The following TMEM181 variants were observed in gnomAD, a reference collection of about 807,000 sequenced individuals.
TMEM181 encodes G protein-coupled receptor 178.
In TMEM181, 39 loss-of-function variants were observed where a neutral mutation model predicts 71.9. That is an observed-to-expected ratio of 0.54 (90% CI 0.42 to 0.71). The LOEUF (loss-of-function observed/expected upper bound fraction) is 0.71, where lower values mean the gene tolerates loss of function less well. TMEM181 is among the 30% of genes least tolerant of loss of function. TMEM181 has a pLI of 0.00. For synonymous variants in TMEM181, 245 were observed against 228.8 expected (o/e 1.07, Z -0.64); for missense variants, 595 against 583.0 (o/e 1.02, Z -0.21).
At chr6:158,544,674 C>T (rs1258484478) in intron 1 of TMEM181, among the ~76,000 whole-genome samples, 2 of 152,142 alleles carry the variant, frequency 1.3e-5, no homozygotes, top group African/African-American at 4.8e-5. Flanking sequence ...TTCCGGCTGG[C>T]TGGTTCTCTT....
intron 1 of TMEM181, among the ~76,000 whole-genome samples, chr6:158,538,219 A>G (rs910757301): frequency 1.5e-4 from 22 of 150,052 alleles, no homozygotes; most frequent in Admixed American, 1.3e-4. Flanking sequence ...CAGTGGTGCA[A>G]TCTTGGCTCA....
At chr6:158,551,959 T>G (rs1377498748) in intron 1 of TMEM181, among the ~76,000 whole-genome samples, 1 of 152,166 alleles carries the variant, frequency 6.6e-6, no homozygotes, top group Admixed American at 6.5e-5. Context: ...GTCAAAAGAT[T>G]TAATTTAGAA....
chr6:158,626,683 G>C, intron 13 of TMEM181: 1 of 457,324 alleles, frequency 2.2e-6, no homozygotes, highest in Non-Finnish European at 4.4e-6. Flanking sequence ...CATGTGTGTT[G>C]TATTAGTCTC....
chr6:158,580,430 A>C (rs187532232), intron 2 of TMEM181, among the ~76,000 whole-genome samples: 2 of 152,226 alleles, frequency 1.3e-5, no homozygotes, highest in African/African-American at 2.4e-5. Flanking sequence ...AAAAAAAACT[A>C]TGAGGTTCGT....
At chr6:158,628,318 A>G in intron 13 of TMEM181, 90 bp from the exon 14 acceptor site, 1 of 1,240,614 alleles carries the variant, frequency 8.1e-7, no homozygotes. Context: ...ACAGACGGAA[A>G]GCTTGAATGG....
intron 1 of TMEM181, among the ~76,000 whole-genome samples, chr6:158,540,214 T>C (rs186727816): frequency 3.3e-4 from 51 of 152,344 alleles, no homozygotes; most frequent in Admixed American, 2.7e-3. Flanking sequence ...AATCTCCGTA[T>C]CTACACCCCA....
intron 10 of TMEM181, among the ~76,000 whole-genome samples, chr6:158,621,226 C>A (rs1007721604): frequency 1.3e-5 from 2 of 152,212 alleles, no homozygotes; most frequent in Admixed American, 6.5e-5. Context: ...TTTCCCCTCT[C>A]TGTCTGTGCC....
intron 3 of TMEM181, among the ~76,000 whole-genome samples, chr6:158,583,693 G>A (rs921574907): frequency 1.3e-5 from 2 of 152,056 alleles, no homozygotes; most frequent in Non-Finnish European, 2.9e-5. Flanking sequence ...CCAGCTACTC[G>A]GGAGGCTGAG....
At chr6:158,571,379 A>G (rs986988962) in intron 1 of TMEM181, among the ~76,000 whole-genome samples, 4 of 129,392 alleles carry the variant, frequency 3.1e-5, no homozygotes, top group African/African-American at 1.2e-4. Context: ...TATAGGCGTG[A>G]TCTGCCCGCC....
In TMEM181 at chr6:158,547,890, A is replaced by C. The variant is rs1487925193; in HGVS notation, c.131+11025A>C. Among the ~76,000 whole-genome samples the C allele has an allele frequency of 5.2e-5, 4 of 76,902 alleles. No individual in the cohort carries two copies. The East Asian group carries it at 3.3e-3, about 64-fold the overall frequency. The allele number at this position is 76,902 out of a possible 152,430, so 50.5% of individuals were successfully genotyped here. ...CAACAAGAGCAAAACTCTGTCTCAA[A>C]AAAAAAAAAAAAAAAAAAAAAAAGA... On this transcript the variant is annotated intron_variant, in intron 1 of 16. Coordinates refer to the TMEM181 transcript ENST00000367090.
chr6:158,554,208 C>A (rs1472938939), intron 1 of TMEM181, among the ~76,000 whole-genome samples: 2 of 152,190 alleles, frequency 1.3e-5, no homozygotes, highest in African/African-American at 4.8e-5. Flanking sequence ...GCCTCAGCCT[C>A]CCGAGCAGCT....
chr6:158,555,106 CT>C (rs1405626307), upstream of TMEM181, among the ~76,000 whole-genome samples: 1 of 152,160 alleles, frequency 6.6e-6, no homozygotes, highest in Non-Finnish European at 1.5e-5. Context: ...ACAAATGTAT[CT>C]TTTGTTTGCC....
intron 3 of TMEM181, among the ~76,000 whole-genome samples, 164 bp downstream of exon 3, chr6:158,581,159 T>C (rs1783448209): frequency 6.6e-6 from 1 of 152,232 alleles, no homozygotes; most frequent in South Asian, 2.1e-4. Flanking sequence ...ATCTGGGTTC[T>C]TGTTTGCTAA....
intron 6 of TMEM181, among the ~76,000 whole-genome samples, chr6:158,597,113 G>T (rs553211522): frequency 6.6e-6 from 1 of 152,280 alleles, no homozygotes; most frequent in East Asian, 1.9e-4. Flanking sequence ...TGTCATGTGG[G>T]CTGTGTCCTC....
intron 1 of TMEM181, among the ~76,000 whole-genome samples, chr6:158,537,145 A>T (rs1198150687): frequency 6.6e-6 from 1 of 151,866 alleles, no homozygotes; most frequent in Non-Finnish European, 1.5e-5. Context: ...CTGAAACCCA[A>T]GCCGAGGCTC....
At chr6:158,582,875 TTTTC>T (rs1562634614) in intron 3 of TMEM181, among the ~76,000 whole-genome samples, 1 of 152,122 alleles carries the variant, frequency 6.6e-6, no homozygotes, top group East Asian at 1.9e-4. Flanking sequence ...GGTGTTAAGA[TTTTC>T]TTTCAGAAGG....
chr6:158,570,283 G>A (rs149820187), intron 1 of TMEM181, among the ~76,000 whole-genome samples: 4,519 of 150,936 alleles, frequency 0.03, 136 homozygotes, highest in East Asian at 0.088. Flanking sequence ...CCCAGGCTGG[G>A]GTGCAGTGGT....
intron 1 of TMEM181, among the ~76,000 whole-genome samples, chr6:158,540,364 G>A (rs893833123): frequency 1.3e-5 from 2 of 152,204 alleles, no homozygotes; most frequent in Non-Finnish European, 2.9e-5. Context: ...ATTTGCTGTC[G>A]GGTATATGCC....
At chr6:158,560,090 T>G (rs557876459), upstream of TMEM181, 16 of 984,894 alleles carry the variant, frequency 1.6e-5, no homozygotes, top group Non-Finnish European at 1.9e-5. Flanking sequence ...CGCGCTCTGA[T>G]GAGTTTTCCG....
Sources: gnomAD v4.1 joint callset for allele counts (sites outside exome capture counted in the v4.1 genomes callset) on GRCh38, gnomAD v4.1.1 for gene constraint, MANE v1.5 for transcripts, NCBI Gene and HGNC (gene_info 2026-07-23, HGNC 2026-07-21) for gene names.